CNTN3: variants seen among roughly 807,000 people sequenced by gnomAD.
CNTN3 encodes contactin 3, also known as contactin-3.
Under a neutral mutation model 119.1 loss-of-function variants are expected in CNTN3, and 60 were observed. The ratio of observed to expected loss-of-function variants is 0.50; its 90% confidence interval spans 0.41 to 0.62. The LOEUF (loss-of-function observed/expected upper bound fraction) is 0.62, where lower values mean the gene tolerates loss of function less well. Among genes scored for constraint, CNTN3 ranks in the 20% least tolerant of loss-of-function variants. The pLI, the probability that CNTN3 is intolerant of heterozygous loss-of-function variation, is 0.00. For missense variants in CNTN3, 1,101 were observed against 1,242.4 expected (o/e 0.89, Z 1.71); for synonymous variants, 450 against 438.7 (o/e 1.03, Z -0.32).
At chr3:74,384,115 G>C (rs1266377795) in intron 5 of CNTN3, among the ~76,000 whole-genome samples, 1 of 152,060 alleles carries the variant, frequency 6.6e-6, no homozygotes, top group Non-Finnish European at 1.5e-5. Context: ...CTGTAGTAAA[G>C]TTTACATTTA....
chr3:74,426,241 T>A (rs1228405757), intron 4 of CNTN3, among the ~76,000 whole-genome samples: 1 of 152,184 alleles, frequency 6.6e-6, no homozygotes, highest in East Asian at 1.9e-4. Flanking sequence ...AATTACACCG[T>A]TAATATACTC....
intron 5 of CNTN3, among the ~76,000 whole-genome samples, chr3:74,375,748 T>G (rs1462787193): frequency 6.6e-6 from 1 of 152,094 alleles, no homozygotes; most frequent in Non-Finnish European, 1.5e-5. Flanking sequence ...GAAAAACAGA[T>G]TGCCTCCTTG....
intron 5 of CNTN3, among the ~76,000 whole-genome samples, chr3:74,376,511 T>C (rs1704478815): frequency 6.6e-6 from 1 of 152,158 alleles, no homozygotes; most frequent in African/African-American, 2.4e-5. Context: ...TGCTGATCTG[T>C]CACTGTCTCC....
Position 74,381,053 on chromosome 3 carries a change from G to GTT in CNTN3, c.455-9656_455-9655dup, listed in dbSNP as rs199984955. Among the ~76,000 whole-genome samples, 403 of 143,952 alleles carry GTT rather than the reference G, an allele frequency of 2.8e-3. 1 individual carries two copies. Among genetic ancestry groups the GTT allele is most frequent in the African/African-American group, 9.1e-3 (356 of 39,096 alleles). 94.4% of individuals were successfully genotyped at this position (143,952 alleles called of 152,430 possible). A position where few individuals can be genotyped will look rare whatever the true frequency, so the allele number is the denominator to read the frequency against. ...GACTCCTTAGAAAGCTGGAGAAATTGTTTTTTTTTTTCTCTCTCTCTCTCT... is the reference window on the plus strand; with the variant it reads ...GACTCCTTAGAAAGCTGGAGAAATTGTTTTTTTTTTTTTCTCTCTCTCTCTCT... On this transcript the variant is annotated intron_variant, in intron 5 of 22. Transcript: ENST00000263665.
At chr3:74,288,326 T>G (rs1256983756) in intron 19 of CNTN3, among the ~76,000 whole-genome samples, 3 of 151,834 alleles carry the variant, frequency 2.0e-5, no homozygotes, top group Non-Finnish European at 2.9e-5. Context: ...GCCTGGCTAA[T>G]TTTTGTATTT....
chr3:74,463,582 C>T (rs1052429831), intron 4 of CNTN3, among the ~76,000 whole-genome samples: 2 of 152,164 alleles, frequency 1.3e-5, no homozygotes, highest in Non-Finnish European at 2.9e-5. Flanking sequence ...GTTTGCACCT[C>T]ATGCAGACAT....
chr3:74,413,917 C>T (rs1701478098), intron 5 of CNTN3, among the ~76,000 whole-genome samples: 1 of 152,184 alleles, frequency 6.6e-6, no homozygotes, highest in South Asian at 2.1e-4. Flanking sequence ...GAGCAACAGT[C>T]ACAGGCACAG....
chr3:74,508,943 T>C (rs1703314556), intron 2 of CNTN3, among the ~76,000 whole-genome samples: 1 of 152,136 alleles, frequency 6.6e-6, no homozygotes, highest in Admixed American at 6.6e-5. Flanking sequence ...TCTTAAAAAT[T>C]GAAAGAGTAT....
In CNTN3 at chr3:74,301,381, G is replaced by GA. The variant is rs370934325; in HGVS notation, c.2095+16dup. 1.3e-3 allele frequency: 2,008 copies of GA among 1,537,576 alleles called. 3 individuals carry two copies. The highest frequency in any genetic ancestry group is 6.4e-3 in the South Asian group (547 of 85,620). ...CAGAAATCTATTAATCCATTACTCA[G>GA]AAAAAAAAACACTAACCTGCCTCTT... On this transcript the variant is annotated intron_variant, in intron 16 of 22. Coordinates refer to ENST00000263665, the MANE Select transcript of CNTN3 (RefSeq NM_020872.3).
chr3:74,338,882 AAAAACAAAAC>A (rs772971140), intron 11 of CNTN3, among the ~76,000 whole-genome samples: 1 of 152,150 alleles, frequency 6.6e-6, no homozygotes, highest in South Asian at 2.1e-4. Context: ...CCTAGGAATT[AAAAACAAAAC>A]AAAACAAAAA....
chr3:74,532,425 T>C (rs1047747133), intron 1 of CNTN3, among the ~76,000 whole-genome samples: 2 of 151,988 alleles, frequency 1.3e-5, no homozygotes, highest in Non-Finnish European at 2.9e-5. Context: ...TTCCTATATA[T>C]ACATACCTAT....
intron 4 of CNTN3, among the ~76,000 whole-genome samples, chr3:74,444,663 G>C (rs1229847736): frequency 6.6e-6 from 1 of 151,932 alleles, no homozygotes. Context: ...ACTAAATGTG[G>C]GATAGCTTTA....
At chr3:74,499,944 T>C (rs1703135008) in intron 2 of CNTN3, among the ~76,000 whole-genome samples, 159 bp from the exon 3 acceptor site, 2 of 152,002 alleles carry the variant, frequency 1.3e-5, no homozygotes, top group South Asian at 4.1e-4. Context: ...TTAAAGGAAA[T>C]CAATTAACCC....
Position 74,397,491 on chromosome 3 carries a change from T to A in CNTN3, c.455-26092A>T, listed in dbSNP as rs1016816817. On this transcript the variant is annotated intron_variant, in intron 5 of 22. Coordinates refer to ENST00000263665, the MANE Select transcript of CNTN3 (RefSeq NM_020872.3). ...CAATAAATGTTCTATGTGTTCTGAT[T>A]ACTTTGCCAACTGGTGTTCTCTCTC... Among the ~76,000 whole-genome samples the A allele has an allele frequency of 2.3e-5, 3 of 129,972 alleles. No individual in the cohort carries two copies. The Admixed American group carries it at 2.7e-4, about 12-fold the overall frequency. The allele number at this position is 129,972 out of a possible 152,430, so 85.3% of individuals were successfully genotyped here. A position where few individuals can be genotyped will look rare whatever the true frequency, so the allele number is the denominator to read the frequency against.
chr3:74,363,987 A>G (rs1279324679), intron 10 of CNTN3, among the ~76,000 whole-genome samples: 1 of 152,132 alleles, frequency 6.6e-6, no homozygotes, highest in South Asian at 2.1e-4. Flanking sequence ...CAAGAAGAAG[A>G]TCATCTATAA....
chr3:74,344,396 G>GTTT (rs1274539668), intron 11 of CNTN3, among the ~76,000 whole-genome samples: 1 of 87,812 alleles, frequency 1.1e-5, no homozygotes, highest in African/African-American at 4.1e-5. Context: ...CTTACACAGT[G>GTTT]GTTTTTTTTT....
intron 4 of CNTN3, among the ~76,000 whole-genome samples, chr3:74,450,586 T>C (rs140624858): frequency 6.6e-6 from 1 of 151,226 alleles, no homozygotes; most frequent in African/African-American, 2.4e-5. Context: ...TATGTATACA[T>C]GTGACATGCT....
intron 4 of CNTN3, among the ~76,000 whole-genome samples, chr3:74,474,169 G>A (rs1702613686): frequency 6.6e-6 from 1 of 152,036 alleles, no homozygotes; most frequent in African/African-American, 2.4e-5. Context: ...AGTGAGCAGT[G>A]GCCAGATTCT....
intron 3 of CNTN3, among the ~76,000 whole-genome samples, chr3:74,494,077 C>T (rs1243988513): frequency 6.6e-6 from 1 of 152,054 alleles, no homozygotes. Flanking sequence ...CAGATGTTTT[C>T]CCTTATTGCC....
Sources: allele counts gnomAD v4.1 joint callset (sites outside exome capture counted in the v4.1 genomes callset), GRCh38; gene constraint gnomAD v4.1.1; transcripts MANE v1.5; gene names NCBI Gene and HGNC (gene_info 2026-07-23, HGNC 2026-07-21).